Variants in NCMAP observed in about 807,000 individuals in gnomAD.
NCMAP encodes the protein noncompact myelin-associated protein.
Under a neutral mutation model 7.8 loss-of-function variants are expected in NCMAP, and 8 were observed. The ratio of observed to expected loss-of-function variants is 1.02; its 90% CI spans 0.60 to 1.84. NCMAP has a LOEUF of 1.84. Ranked by LOEUF, NCMAP falls within the 40% of genes most tolerant of loss-of-function variation. The pLI, the probability that NCMAP is intolerant of heterozygous loss-of-function variation, is 0.00. For synonymous variants in NCMAP, 41 were observed against 52.9 expected (o/e 0.78, Z 0.98); for missense variants, 112 against 131.4 (o/e 0.85, Z 0.72).
Position 24,608,857 on chromosome 1 carries a change from C to A in NCMAP, c.*3110C>A, listed in dbSNP as rs992594088. On this transcript the variant is annotated 3_prime_UTR_variant, in exon 4 of 4. Coordinates refer to ENST00000374392, the MANE Select transcript of NCMAP (RefSeq NM_001010980.5). ...GTTGCAGTGAGCTGAGATCGCGCCACTGCACTCCAGCCGGGGTGACAGAGC... is the reference window on the plus strand; with the variant it reads ...GTTGCAGTGAGCTGAGATCGCGCCAATGCACTCCAGCCGGGGTGACAGAGC... 3.3e-5 allele frequency: 5 copies of A among 152,820 alleles called. No homozygotes were observed. Among genetic ancestry groups the A allele is most frequent in the African/African-American group, 9.6e-5 (4 of 41,460 alleles). The allele number at this position is 152,820 out of a possible 1,614,324, so 9.5% of individuals were successfully genotyped here. A position where few individuals can be genotyped will look rare whatever the true frequency, so the allele number is the denominator to read the frequency against.
rs1651955520 is a variant in NCMAP, at chr1:24,588,588, A to G, written c.-7-6836A>G. Among the ~76,000 whole-genome samples, 3 of 152,188 alleles carry G rather than the reference A, an allele frequency of 2.0e-5. No homozygotes were observed. In the South Asian group the frequency reaches 6.2e-4, roughly 31 times the overall value. ...GACAGGTGGGAGTCTGACAGCGTTT[A>G]TCTTCCACATTCAGCTCTTAGACTT... On this transcript the variant is annotated intron_variant, in intron 1 of 3. Coordinates refer to ENST00000374392, the MANE Select transcript of NCMAP (RefSeq NM_001010980.5).
At chr1:24,577,406 T>TTTTTGTTG (rs1557596529) in intron 1 of NCMAP, among the ~76,000 whole-genome samples, 8 of 133,896 alleles carry the variant, frequency 6.0e-5, no homozygotes, top group African/African-American at 2.7e-4. Flanking sequence ...GCCTTGTTTT[T>TTTTTGTTG]TTTTTTTTTT....
At chr1:24,596,892 C>A (rs1294728712) in intron 2 of NCMAP, among the ~76,000 whole-genome samples, 1 of 152,100 alleles carries the variant, frequency 6.6e-6, no homozygotes, top group Non-Finnish European at 1.5e-5. Flanking sequence ...TAAGGAGACG[C>A]TTGGGTGTGT....
chr1:24,596,285 A>G (rs1652222236), intron 2 of NCMAP, among the ~76,000 whole-genome samples: 1 of 151,790 alleles, frequency 6.6e-6, no homozygotes, highest in South Asian at 2.1e-4. Context: ...ACAAAAAAAT[A>G]TTACTACTAC....
intron 2 of NCMAP, among the ~76,000 whole-genome samples, chr1:24,597,372 T>C (rs1652264185): frequency 1.3e-5 from 2 of 150,924 alleles, no homozygotes; most frequent in African/African-American, 2.4e-5. Flanking sequence ...GGTGTGGTGG[T>C]GCATACCTGT....
At chr1:24,595,583 T>C in intron 2 of NCMAP, 71 bp downstream of exon 2, 14 of 1,264,182 alleles carry the variant, frequency 1.1e-5, no homozygotes, top group Non-Finnish European at 1.5e-5. Flanking sequence ...GTGCAGAGGT[T>C]AAGAGTGTGG....
At chr1:24,597,376 T>C (rs1652264272) in intron 2 of NCMAP, among the ~76,000 whole-genome samples, 1 of 150,684 alleles carries the variant, frequency 6.6e-6, no homozygotes, top group South Asian at 2.1e-4. Context: ...TGGTGGTGCA[T>C]ACCTGTAGTC....
intron 1 of NCMAP, among the ~76,000 whole-genome samples, chr1:24,586,336 A>G (rs1240783088): frequency 5.3e-5 from 8 of 152,226 alleles, no homozygotes; most frequent in African/African-American, 2.4e-5. Context: ...ACAGGGATCA[A>G]TGCAAAGTCC....
chr1:24,565,055 A>T (rs79077272), intron 1 of NCMAP, among the ~76,000 whole-genome samples: 1,578 of 152,294 alleles, frequency 0.01, 32 homozygotes, highest in African/African-American at 0.036. Context: ...AATGTTCAGG[A>T]GATCCTGCAA....
intron 3 of NCMAP, among the ~76,000 whole-genome samples, chr1:24,601,896 C>G (rs1309973686): frequency 2.6e-5 from 4 of 152,026 alleles, no homozygotes; most frequent in African/African-American, 9.7e-5. Context: ...AAAAAATTAG[C>G]CGGGTGTGGC....
intron 1 of NCMAP, chr1:24,563,881 T>G: frequency 6.6e-6 from 1 of 152,208 alleles, no homozygotes; most frequent in Non-Finnish European, 1.5e-5. Flanking sequence ...GAACAAAGAC[T>G]GAGATCCTTG....
intron 3 of NCMAP, among the ~76,000 whole-genome samples, chr1:24,604,599 AAAAAAAATATATATATATATATATAT>A (rs1272878530): frequency 9.9e-5 from 6 of 60,878 alleles, no homozygotes; most frequent in African/African-American, 6.4e-4. Flanking sequence ...AAAAAAAAAA[AAAAAAAATATATATATATATATATAT>A]ATATATATAT....
chr1:24,564,512 T>TGAAAAAA (rs1651155140), intron 1 of NCMAP, among the ~76,000 whole-genome samples: 1 of 16,906 alleles, frequency 5.9e-5, no homozygotes, highest in Non-Finnish European at 9.4e-5. Flanking sequence ...AGATTCTGTC[T>TGAAAAAA]CAAAAAAAAA....
chr1:24,577,031 G>C (rs552650497), intron 1 of NCMAP, among the ~76,000 whole-genome samples: 2 of 152,162 alleles, frequency 1.3e-5, no homozygotes, highest in Non-Finnish European at 2.9e-5. Flanking sequence ...CCAGCTCCTC[G>C]TGAGGCTGAG....
At chr1:24,591,600 T>C (rs1040565546) in intron 1 of NCMAP, among the ~76,000 whole-genome samples, 2 of 152,164 alleles carry the variant, frequency 1.3e-5, no homozygotes, top group African/African-American at 4.8e-5. Context: ...GCTCTTTTTC[T>C]TGGGGAGCAA....
At chr1:24,605,444 G>C (rs907333344) in intron 3 of NCMAP, among the ~76,000 whole-genome samples, 162 bp from the exon 4 acceptor site, 2 of 152,164 alleles carry the variant, frequency 1.3e-5, no homozygotes, top group African/African-American at 4.8e-5. Flanking sequence ...TGATGCCTAA[G>C]GTCACTTCCA....
At chr1:24,579,877 C>T (rs1651695011) in intron 1 of NCMAP, among the ~76,000 whole-genome samples, 1 of 152,236 alleles carries the variant, frequency 6.6e-6, no homozygotes. Context: ...ATCTGTAGGT[C>T]TATTCCCTTT....
At chr1:24,575,500 A>G (rs552279449) in intron 1 of NCMAP, among the ~76,000 whole-genome samples, 1 of 152,256 alleles carries the variant, frequency 6.6e-6, no homozygotes, top group South Asian at 2.1e-4. Flanking sequence ...TTTGTCTACA[A>G]CAGTGATTTT....
At chr1:24,579,216 C>T (rs1651679530) in intron 1 of NCMAP, among the ~76,000 whole-genome samples, 1 of 150,562 alleles carries the variant, frequency 6.6e-6, no homozygotes, top group Admixed American at 6.6e-5. Flanking sequence ...TTTTTAAAGA[C>T]TTCATGCCCA....
Sources: gnomAD v4.1 joint callset for allele counts (sites outside exome capture counted in the v4.1 genomes callset) on GRCh38, gnomAD v4.1.1 for gene constraint, MANE v1.5 for transcripts, NCBI Gene and HGNC (gene_info 2026-07-23, HGNC 2026-07-21) for gene names.